Variants in RUNDC3B observed in about 807,000 individuals in gnomAD.
The protein encoded by RUNDC3B is RUN domain-containing protein 3B.
RUNDC3B carries 33 observed loss-of-function variants against 58.4 expected under a neutral mutation model. The ratio of observed to expected loss-of-function variants is 0.56; its 90% CI spans 0.43 to 0.75. The LOEUF is 0.75. RUNDC3B is among the 30% of genes least tolerant of loss of function. The pLI is 0.00. For missense variants in RUNDC3B, 501 were observed against 535.7 expected (o/e 0.94, Z 0.64); for synonymous variants, 193 against 195.2 (o/e 0.99, Z 0.10).
Position 87,816,343 on chromosome 7 carries a change from AAT to A in RUNDC3B, c.1225+83_1225+84del, listed in dbSNP as rs997291696. 1.7e-5 allele frequency: 17 copies of A among 1,018,048 alleles called. No individual in the cohort carries two copies. In the African/African-American group the frequency reaches 2.4e-4, roughly 15 times the overall value. The allele number at this position is 1,018,048 out of a possible 1,614,324, so 63.1% of individuals were successfully genotyped here. A position where few individuals can be genotyped will look rare whatever the true frequency, so the allele number is the denominator to read the frequency against. On this transcript the variant is annotated intron_variant, in intron 10 of 10. Transcript: ENST00000394654. ...TGGTTGCAGATGATTGCCAGAGAAT[AAT>A]AGTGACATCTCTGTTAATCATGCTA...
chr7:87,754,274 A>G (rs1833220244), intron 6 of RUNDC3B, among the ~76,000 whole-genome samples: 1 of 152,352 alleles, frequency 6.6e-6, no homozygotes, highest in African/African-American at 2.4e-5. Flanking sequence ...ATAGAAGTCA[A>G]GACTCTGAAA....
intron 8 of RUNDC3B, among the ~76,000 whole-genome samples, chr7:87,785,709 G>GT (rs1324682334): frequency 3.3e-5 from 5 of 152,192 alleles, no homozygotes; most frequent in Non-Finnish European, 7.3e-5. Flanking sequence ...TCTGCAGTCA[G>GT]TAGGGGCTCC....
At chr7:87,754,885 A>G (rs1346207975) in intron 6 of RUNDC3B, among the ~76,000 whole-genome samples, 6 of 148,960 alleles carry the variant, frequency 4.0e-5, no homozygotes, top group Non-Finnish European at 7.4e-5. Flanking sequence ...GAAATTGATT[A>G]CCTGAACAGA....
At chr7:87,737,100 T>C (rs955494743) in intron 4 of RUNDC3B, among the ~76,000 whole-genome samples, 3 of 151,280 alleles carry the variant, frequency 2.0e-5, no homozygotes, top group African/African-American at 2.4e-5. Context: ...GGTTTCACCA[T>C]GTTGCCCAGG....
At chr7:87,713,964 A>G (rs1375273646) in intron 4 of RUNDC3B, among the ~76,000 whole-genome samples, 4 of 152,210 alleles carry the variant, frequency 2.6e-5, no homozygotes, top group Non-Finnish European at 5.9e-5. Flanking sequence ...AAGAAATGTT[A>G]ATTTTCACAA....
intron 1 of RUNDC3B, among the ~76,000 whole-genome samples, chr7:87,646,856 T>C (rs1002030935): frequency 1.3e-5 from 2 of 152,212 alleles, no homozygotes; most frequent in African/African-American, 4.8e-5. Flanking sequence ...CCATTTACTA[T>C]GCATTACATC....
chr7:87,639,140 T>C (rs28865664), intron 1 of RUNDC3B, among the ~76,000 whole-genome samples: 22,119 of 119,374 alleles, frequency 0.19, 2,906 homozygotes, highest in African/African-American at 0.42. Context: ...GGCGACAGAG[T>C]GAGACTCCGT....
intron 4 of RUNDC3B, among the ~76,000 whole-genome samples, chr7:87,725,317 A>G (rs963262197): frequency 6.6e-6 from 1 of 152,056 alleles, no homozygotes; most frequent in Non-Finnish European, 1.5e-5. Context: ...TTCAATTCGC[A>G]CCTATAAGTG....
Position 87,628,584 on chromosome 7 carries a change from CGTGTGTGTGTGTGTGTGTGTGTGTGTGT to C in RUNDC3B, c.-226_-199del, listed in dbSNP as rs71117546. The C allele has an allele frequency of 1.7e-5, 5 of 290,668 alleles. No homozygotes were observed. The highest frequency in any genetic ancestry group is 5.4e-5 in the East Asian group (1 of 18,504). The allele number at this position is 290,668 out of a possible 1,614,324, so 18.0% of individuals were successfully genotyped here. ...CGAGGGCGGAGGTGGTGCGTGCGTG[CGTGTGTGTGTGTGTGTGTGTGTGTGTGT>C]GTGTGTGTGTGTGGAGCTCGGGTGC... is the stretch of plus-strand genomic sequence containing the variant. On this transcript the variant is annotated 5_prime_UTR_variant, in exon 1 of 11. Transcript: ENST00000394654.
chr7:87,731,067 C>T (rs1232147274), intron 4 of RUNDC3B, among the ~76,000 whole-genome samples: 1 of 152,102 alleles, frequency 6.6e-6, no homozygotes, highest in Admixed American at 6.6e-5. Context: ...AAGGTCCCAA[C>T]ACCCAAGTCC....
At chr7:87,652,138 A>C (rs1228065836) in intron 2 of RUNDC3B, among the ~76,000 whole-genome samples, 1 of 152,132 alleles carries the variant, frequency 6.6e-6, no homozygotes, top group East Asian at 1.9e-4. Flanking sequence ...CCTAACTAAA[A>C]AGCATATGGA....
chr7:87,820,013 C>T (rs1278135025), intron 10 of RUNDC3B, among the ~76,000 whole-genome samples: 3 of 151,974 alleles, frequency 2.0e-5, no homozygotes, highest in Admixed American at 6.6e-5. Flanking sequence ...CAAAAGCTAG[C>T]AGAAGGTAAG....
intron 4 of RUNDC3B, among the ~76,000 whole-genome samples, chr7:87,721,132 GATTAT>G (rs996661196): frequency 1.7e-4 from 25 of 150,794 alleles, no homozygotes; most frequent in African/African-American, 5.3e-4. Context: ...AATAGAGTAT[GATTAT>G]ATTATAATTG....
chr7:87,649,287 T>A (rs1823336132), intron 1 of RUNDC3B, among the ~76,000 whole-genome samples: 1 of 152,174 alleles, frequency 6.6e-6, no homozygotes, highest in Non-Finnish European at 1.5e-5. Context: ...TATTTACCAT[T>A]CTTTCAAAAT....
At chr7:87,743,244 T>C (rs900023844) in intron 6 of RUNDC3B, among the ~76,000 whole-genome samples, 3 of 152,252 alleles carry the variant, frequency 2.0e-5, no homozygotes, top group African/African-American at 7.2e-5. Context: ...GGTTCCACGA[T>C]TTTGCAGTTG....
At chr7:87,758,712 C>G (rs1833513504) in intron 6 of RUNDC3B, among the ~76,000 whole-genome samples, 1 of 152,122 alleles carries the variant, frequency 6.6e-6, no homozygotes, top group Non-Finnish European at 1.5e-5. Context: ...AAATGGTTAA[C>G]AGGTACGTGA....
intron 1 of RUNDC3B, among the ~76,000 whole-genome samples, chr7:87,635,621 T>A (rs568126791): frequency 1.3e-5 from 2 of 152,310 alleles, no homozygotes; most frequent in East Asian, 3.9e-4. Flanking sequence ...TAATATAAAT[T>A]TTTATTGACT....
chr7:87,682,617 G>A (rs2130597362), intron 2 of RUNDC3B, among the ~76,000 whole-genome samples: 1 of 152,302 alleles, frequency 6.6e-6, no homozygotes, highest in East Asian at 1.9e-4. Flanking sequence ...ACTTTGAAAG[G>A]AATCTTTTTT....
chr7:87,823,643 G>A (rs937262379), intron 10 of RUNDC3B, among the ~76,000 whole-genome samples: 1 of 151,962 alleles, frequency 6.6e-6, no homozygotes, highest in Non-Finnish European at 1.5e-5. Flanking sequence ...TAGCTCAGCT[G>A]CCACTTATGA....
Sources: gnomAD v4.1 joint callset for allele counts (sites outside exome capture counted in the v4.1 genomes callset) on GRCh38, gnomAD v4.1.1 for gene constraint, MANE v1.5 for transcripts, NCBI Gene and HGNC (gene_info 2026-07-23, HGNC 2026-07-21) for gene names.